FBXO16: variants seen among roughly 807,000 people sequenced by gnomAD.
FBXO16 encodes the protein F-box only protein 16.
Under a neutral mutation model 41.0 loss-of-function variants are expected in FBXO16, and 31 were observed. That is an observed-to-expected ratio of 0.76 (90% CI 0.57 to 1.02). FBXO16 has a LOEUF of 1.02. Among genes scored for constraint, FBXO16 ranks in the 50% least tolerant of loss-of-function variants. FBXO16 has a pLI of 0.00. For synonymous variants in FBXO16, 133 were observed against 117.8 expected (o/e 1.13, Z -0.84); for missense variants, 361 against 346.2 (o/e 1.04, Z -0.34).
chr8:28,444,779 CTTTTTTT>C (rs71549666), intron 7 of FBXO16, among the ~76,000 whole-genome samples: 10 of 30,828 alleles, frequency 3.2e-4, no homozygotes, highest in South Asian at 2.6e-3. Flanking sequence ...CGCGCCCGGA[CTTTTTTT>C]TTTTTTTTTT....
At chr8:28,430,617 G>A (rs1378961490) in intron 7 of FBXO16, among the ~76,000 whole-genome samples, 4 of 152,156 alleles carry the variant, frequency 2.6e-5, no homozygotes, top group Non-Finnish European at 5.9e-5. Flanking sequence ...TCAGCATAAG[G>A]TAAGAAAATA....
chr8:28,452,474 T>C lies in FBXO16; in HGVS notation c.510A>G (p.Thr170=). 3 of 1,613,192 alleles carry C rather than the reference T, an allele frequency of 1.9e-6. No homozygotes were observed. In the Admixed American group the frequency reaches 5.0e-5, roughly 27 times the overall value. The change falls in exon 6 of 9, where the codon ACA becomes ACG. Residue 170 remains threonine, a splice_region_variant and synonymous_variant. Coordinates refer to ENST00000380254, the MANE Select transcript of FBXO16 (RefSeq NM_172366.4). ...CGATTACAAATCCATCCTTTGGGGG[T>C]GTCTAGAAGAAGAAAGTTAATTATG... ...VKELHITKPK[T]PPKDGFVIAD...
At position 28,463,132 on chromosome 8, in the gene FBXO16, T is replaced by C. The variant is rs113387729; in HGVS notation, c.342+480A>G. On this transcript the variant is annotated intron_variant, in intron 4 of 8. Coordinates refer to ENST00000380254, the MANE Select transcript of FBXO16 (RefSeq NM_172366.4). ...ATTGATCATCCCTTCTCTTTCTTAG[T>C]TTTGTGTGTGTGTGTATGTTTGTGT... Among the ~76,000 whole-genome samples, 1,406 of 152,204 alleles carry C rather than the reference T, an allele frequency of 9.2e-3. 22 individuals are homozygous for C. Among genetic ancestry groups the C allele is most frequent in the African/African-American group, 0.031 (1,303 of 41,544 alleles).
chr8:28,464,148 C>T (rs1252088649), intron 3 of FBXO16, among the ~76,000 whole-genome samples: 2 of 152,178 alleles, frequency 1.3e-5, no homozygotes, highest in Admixed American at 6.5e-5. Flanking sequence ...AATAACTGTG[C>T]AGCTCCTCCC....
chr8:28,451,608 C>T (rs1165638285), intron 6 of FBXO16, among the ~76,000 whole-genome samples: 3 of 151,248 alleles, frequency 2.0e-5, no homozygotes, highest in African/African-American at 7.3e-5. Flanking sequence ...GGTTTCTTAC[C>T]ATCAGAAAAG....
intron 6 of FBXO16, among the ~76,000 whole-genome samples, chr8:28,449,759 G>C (rs796155022): frequency 6.6e-6 from 1 of 151,922 alleles, no homozygotes; most frequent in Non-Finnish European, 1.5e-5. Flanking sequence ...GGATCATGAG[G>C]TTAGGAGTTC....
chr8:28,450,240 T>C (rs1358381265), intron 6 of FBXO16, among the ~76,000 whole-genome samples: 2 of 152,114 alleles, frequency 1.3e-5, no homozygotes, highest in Non-Finnish European at 2.9e-5. Context: ...TTTTCAACAA[T>C]GGTGCTGGGG....
At chr8:28,480,913 A>T (rs1803500404) in intron 2 of FBXO16, among the ~76,000 whole-genome samples, 1 of 152,216 alleles carries the variant, frequency 6.6e-6, no homozygotes, top group African/African-American at 2.4e-5. Flanking sequence ...GAAAGCCAGT[A>T]AACAGTGATG....
intron 7 of FBXO16, among the ~76,000 whole-genome samples, chr8:28,435,751 C>A (rs1183079001): frequency 6.6e-5 from 10 of 152,088 alleles, no homozygotes. Flanking sequence ...GGGTGGGGAT[C>A]AATCAGGGGA....
intron 2 of FBXO16, among the ~76,000 whole-genome samples, chr8:28,474,767 T>C (rs146996445): frequency 3.7e-4 from 56 of 152,354 alleles, no homozygotes; most frequent in African/African-American, 1.3e-3. Context: ...CATCTTGACA[T>C]CTCCAGTAGA....
intron 7 of FBXO16, among the ~76,000 whole-genome samples, chr8:28,433,062 AAAAAAAAAAAACAAAC>A (rs1802633145): frequency 7.7e-6 from 1 of 129,432 alleles, no homozygotes; most frequent in African/African-American, 4.6e-5. Context: ...CTTCGTCCAA[AAAAAAAAAAAACAAAC>A]AAAAAACAAA....
intron 3 of FBXO16, among the ~76,000 whole-genome samples, chr8:28,464,809 G>A (rs1025819545): frequency 2.0e-5 from 3 of 151,944 alleles, no homozygotes; most frequent in African/African-American, 4.8e-5. Context: ...ACGCGCCACC[G>A]CACCTGGCTA....
chr8:28,462,655 TG>T (rs1480406278), intron 4 of FBXO16, among the ~76,000 whole-genome samples: 5 of 152,212 alleles, frequency 3.3e-5, no homozygotes, highest in Non-Finnish European at 7.3e-5. Context: ...AGGTAATATC[TG>T]GTCTTGCCAA....
intron 2 of FBXO16, among the ~76,000 whole-genome samples, chr8:28,475,369 T>C (rs898053121): frequency 1.3e-5 from 2 of 152,184 alleles, no homozygotes. Flanking sequence ...AGACACTTTT[T>C]GCACATAAGA....
intron 5 of FBXO16, among the ~76,000 whole-genome samples, chr8:28,454,731 A>G (rs1803011316): frequency 3.1e-5 from 3 of 95,746 alleles, no homozygotes; most frequent in African/African-American, 1.4e-4. Flanking sequence ...CCGTCTTAAA[A>G]AAAAAAAAAA....
At chr8:28,448,968 A>G (rs540956609) in intron 6 of FBXO16, 15 of 152,346 alleles carry the variant, frequency 9.8e-5, no homozygotes, top group African/African-American at 3.6e-4. Context: ...AGTTTGCCTG[A>G]TGTAATGGAT....
At position 28,450,254 on chromosome 8, in the gene FBXO16, C is replaced by T. The variant is rs115624141; in HGVS notation, c.740+1990G>A. 7.1e-3 allele frequency among the ~76,000 whole-genome samples: 1,083 copies of T among 152,176 alleles called. 18 individuals carry two copies. The highest frequency in any genetic ancestry group is 0.023 in the African/African-American group (972 of 41,518). On this transcript the variant is annotated intron_variant, in intron 6 of 8. Transcript: ENST00000380254. ...CTTTTCAACAATGGTGCTGGGGAAACGGGATATCTACATGCAAAACAATGA... is the reference window on the plus strand; with the variant it reads ...CTTTTCAACAATGGTGCTGGGGAAATGGGATATCTACATGCAAAACAATGA...
intron 3 of FBXO16, among the ~76,000 whole-genome samples, chr8:28,464,477 C>T (rs1803199481): frequency 1.3e-5 from 2 of 152,038 alleles, no homozygotes; most frequent in South Asian, 4.1e-4. Context: ...CACCTTGAGA[C>T]TGCCCAAAAC....
rs751436386 is a variant in FBXO16, at chr8:28,429,409, C to A, written c.844-6G>T. 2 of 1,613,674 alleles carry A rather than the reference C, an allele frequency of 1.2e-6. No individual in the cohort carries two copies. The highest frequency in any genetic ancestry group is 1.7e-6 in the Non-Finnish European group (2 of 1,179,882). On this transcript the variant is annotated splice_region_variant and splice_polypyrimidine_tract_variant and intron_variant, in intron 7 of 8. Transcript: ENST00000380254. Reference sequence around the variant, plus strand: ...AAGGGATTTCTCCTCGACATCTGGCCGCGAGCAGGAAAGGGAAGAGAATGG... The same window carrying A: ...AAGGGATTTCTCCTCGACATCTGGCAGCGAGCAGGAAAGGGAAGAGAATGG...
Sources: allele counts gnomAD v4.1 joint callset (sites outside exome capture counted in the v4.1 genomes callset), GRCh38; gene constraint gnomAD v4.1.1; transcripts MANE v1.5; gene names NCBI Gene and HGNC (gene_info 2026-07-23, HGNC 2026-07-21).